DIAPH1: variants seen among roughly 807,000 people sequenced by gnomAD.
The protein encoded by DIAPH1 is diaphanous related formin 1.
Under a neutral mutation model 140.7 loss-of-function variants are expected in DIAPH1, and 46 were observed. That is an observed-to-expected ratio of 0.33 (90% CI 0.26 to 0.42). The LOEUF (loss-of-function observed/expected upper bound fraction) is 0.42. DIAPH1 is among the 10% of genes least tolerant of loss of function. The probability of loss-of-function intolerance (pLI) is 1.00; values close to 1 mark genes in which losing one functional copy is unlikely to be tolerated. For synonymous variants in DIAPH1, 565 were observed against 551.6 expected (o/e 1.02, Z -0.34); for missense variants, 1,310 against 1,558.7 (o/e 0.84, Z 2.69).
rs185531539 is a variant in DIAPH1, at chr5:141,578,455, T to C, written c.1044+60A>G. The C allele has an allele frequency of 6.6e-4, 1,007 of 1,537,104 alleles. 5 individuals carry two copies. The highest frequency in any genetic ancestry group is 4.5e-3 in the South Asian group (402 of 89,594). ...AAAACCAGAATTATCCCCGGGATTATTGGGGCTGTAGAGCAAGAAGGAACC... is the reference window on the plus strand; with the variant it reads ...AAAACCAGAATTATCCCCGGGATTACTGGGGCTGTAGAGCAAGAAGGAACC... On this transcript the variant is annotated intron_variant, in intron 10 of 27. Transcript: ENST00000389054.
At chr5:141,599,784 G>A (rs2099899866) in intron 1 of DIAPH1, among the ~76,000 whole-genome samples, 1 of 152,172 alleles carries the variant, frequency 6.6e-6, no homozygotes, top group Admixed American at 6.5e-5. Flanking sequence ...TTGCTAGCCT[G>A]ATGTACACAC....
chr5:141,560,941 G>A (rs567728804), intron 18 of DIAPH1: 3 of 455,880 alleles, frequency 6.6e-6, no homozygotes, highest in Non-Finnish European at 4.4e-6. Context: ...AAAGATGAGG[G>A]GGGGAAGGGG....
chr5:141,526,455 C>G lies in DIAPH1; in HGVS notation c.3280G>C (p.Val1094Leu). The G allele has an allele frequency of 6.2e-7, 1 of 1,614,120 alleles. No homozygotes were observed. The highest frequency in any genetic ancestry group is 8.5e-7 in the Non-Finnish European group (1 of 1,180,018). Residue 1094 changes from valine to leucine, a missense_variant, in exon 25 of 28, where the codon GTG (valine) becomes CTG (leucine). Physicochemically the swap from Val to Leu is conservative, Grantham distance 32. Transcript: ENST00000389054. The part of the protein sequence containing the change: ...DKFVEKMTSF[V>L]KDAQEQYNKL... Reference sequence around the variant, plus strand: ...TTATACTGTTCCTGTGCATCCTTCACAAAGCTGTGCAGCCAAGGAGTAAAG... The same window carrying G: ...TTATACTGTTCCTGTGCATCCTTCAGAAAGCTGTGCAGCCAAGGAGTAAAG...
intron 2 of DIAPH1, among the ~76,000 whole-genome samples, chr5:141,588,023 A>C (rs1017816154): frequency 2.0e-5 from 3 of 152,240 alleles, no homozygotes; most frequent in Admixed American, 1.3e-4. Context: ...GAGCATGCCT[A>C]ACTTCGGAAG....
chr5:141,592,098 A>G (rs974562691), intron 1 of DIAPH1, among the ~76,000 whole-genome samples: 3 of 150,906 alleles, frequency 2.0e-5, no homozygotes, highest in African/African-American at 7.3e-5. Context: ...AAAAAAAAAG[A>G]AAGAAAGAAA....
intron 7 of DIAPH1, 34 bp from the exon 8 acceptor site, chr5:141,580,917 A>G (rs528364334): frequency 6.2e-7 from 1 of 1,614,118 alleles, no homozygotes; most frequent in South Asian, 1.1e-5. Context: ...AGGAGGCTGA[A>G]AGACGAAAGC....
At chr5:141,546,105 G>A (rs962409971) in intron 18 of DIAPH1, among the ~76,000 whole-genome samples, 10 of 152,178 alleles carry the variant, frequency 6.6e-5, no homozygotes, top group Non-Finnish European at 8.8e-5. Context: ...CTCTGGGGCC[G>A]GGCACAGTGG....
At chr5:141,585,629 A>C (rs1405555636) in intron 3 of DIAPH1, among the ~76,000 whole-genome samples, 1 of 152,050 alleles carries the variant, frequency 6.6e-6, no homozygotes, top group Admixed American at 6.5e-5. Flanking sequence ...ATGAAACCCT[A>C]TCTCTACTCA....
intron 18 of DIAPH1, among the ~76,000 whole-genome samples, chr5:141,545,584 C>T (rs1420174827): frequency 6.6e-6 from 1 of 152,126 alleles, no homozygotes; most frequent in Admixed American, 6.5e-5. Flanking sequence ...GCTGAGGCTG[C>T]TGTGAGCTGT....
chr5:141,578,330 A>G lies in DIAPH1; in HGVS notation c.1058T>C (p.Ile353Thr). 1 of 1,613,690 alleles carries G rather than the reference A, an allele frequency of 6.2e-7. No homozygotes were observed. The highest frequency in any genetic ancestry group is 8.5e-7 in the Non-Finnish European group (1 of 1,179,682). Residue 353 changes from isoleucine (I) to threonine (T), a missense_variant, in exon 11 of 28, where the codon ATT (isoleucine) becomes ACT (threonine). By Grantham distance (89) the Ile-to-Thr change is moderately conservative. This residue lies in a region of DIAPH1 where 377 missense variants were observed against 497.1 expected (regional missense o/e 0.76). Transcript: ENST00000389054. Reference protein sequence around the residue: ...LHQVLQDLREIENEDMRVQLN... With the variant: ...LHQVLQDLRETENEDMRVQLN... ...TTGCACTCTCATATCTTCATTTTCA[A>G]TCTCTCGAAGGTCCTGTCAACAACA...
At chr5:141,547,773 T>C (rs946861404) in intron 18 of DIAPH1, among the ~76,000 whole-genome samples, 1 of 152,112 alleles carries the variant, frequency 6.6e-6, no homozygotes, top group Non-Finnish European at 1.5e-5. Context: ...TAGTTGTGTA[T>C]TTTTCAGAAG....
chr5:141,567,361 A>G (rs2099894536), intron 18 of DIAPH1, among the ~76,000 whole-genome samples: 1 of 152,170 alleles, frequency 6.6e-6, no homozygotes, highest in African/African-American at 2.4e-5. Flanking sequence ...ACCCCAGATA[A>G]TAGGGATAGA....
At chr5:141,546,938 A>C (rs1381657173) in intron 18 of DIAPH1, among the ~76,000 whole-genome samples, 2 of 152,226 alleles carry the variant, frequency 1.3e-5, no homozygotes, top group Non-Finnish European at 2.9e-5. Context: ...TGGAGTTTCC[A>C]CCATTGTTAT....
chr5:141,561,959 G>C (rs952126832), intron 18 of DIAPH1: 13 of 152,188 alleles, frequency 8.5e-5, no homozygotes, highest in Admixed American at 2.6e-4. Context: ...CCCTTTGCTA[G>C]CAGTACAAAG....
intron 18 of DIAPH1, among the ~76,000 whole-genome samples, chr5:141,548,939 T>C (rs913132959): frequency 4.6e-5 from 7 of 152,162 alleles, no homozygotes; most frequent in Admixed American, 2.0e-4. Context: ...ACTAGGAGGA[T>C]AGTAAAAAGG....
chr5:141,599,140 T>C (rs555583898), intron 1 of DIAPH1, among the ~76,000 whole-genome samples: 4 of 152,316 alleles, frequency 2.6e-5, no homozygotes, highest in Admixed American at 2.6e-4. Context: ...GGGTAGTTCT[T>C]AGCAGCAGAG....
At chr5:141,578,488 C>T in intron 10 of DIAPH1, 27 bp downstream of exon 10, 3 of 1,585,308 alleles carry the variant, frequency 1.9e-6, no homozygotes, top group Non-Finnish European at 2.6e-6. Flanking sequence ...ACCAGTCTAG[C>T]CTTTCTAATG....
intron 3 of DIAPH1, among the ~76,000 whole-genome samples, chr5:141,585,602 C>T (rs973223394): frequency 6.6e-6 from 1 of 152,068 alleles, no homozygotes; most frequent in African/African-American, 2.4e-5. Context: ...GGGTTCGAGA[C>T]TAGCCTGGCC....
rs867902561 is a variant in DIAPH1 at position 141,516,657 on chromosome 5, C to T, written c.*194G>A. The T allele has an allele frequency of 3.0e-6, 2 of 672,860 alleles. No homozygotes were observed. Among genetic ancestry groups the T allele is most frequent in the Non-Finnish European group, 5.2e-6 (2 of 383,630 alleles). 41.7% of individuals were successfully genotyped at this position (672,860 alleles called of 1,614,324 possible). ...TCGGGCTCAGGCCTCCCCTGCACTG[C>T]CCTTTCCTTCTGGCCTCCAGGCAGC... On this transcript the variant is annotated 3_prime_UTR_variant, in exon 28 of 28. Coordinates refer to ENST00000389054, the MANE Select transcript of DIAPH1 (RefSeq NM_005219.5).
Sources: gnomAD v4.1 joint callset for allele counts (sites outside exome capture counted in the v4.1 genomes callset) on GRCh38, gnomAD v4.1.1 for gene constraint, gnomAD v4.1.1 regional missense constraint, MANE v1.5 for transcripts, NCBI Gene and HGNC (gene_info 2026-07-23, HGNC 2026-07-21) for gene names.